CPQ: variants seen among roughly 807,000 people sequenced by gnomAD.
CPQ encodes the protein Ser-Met dipeptidase.
Under a neutral mutation model 45.7 loss-of-function variants are expected in CPQ, and 37 were observed. The observed-to-expected ratio is 0.81, with a 90% confidence interval of 0.62 to 1.07. The LOEUF is 1.07. Ranked by LOEUF, CPQ falls within the 50% of genes least tolerant of loss-of-function variation. CPQ has a pLI of 0.00. For missense variants in CPQ, 537 were observed against 572.9 expected (o/e 0.94, Z 0.64); for synonymous variants, 186 against 205.8 (o/e 0.90, Z 0.82).
chr8:96,812,800 A>C (rs1327695367), intron 2 of CPQ, among the ~76,000 whole-genome samples: 1 of 151,716 alleles, frequency 6.6e-6, no homozygotes, highest in Non-Finnish European at 1.5e-5. Context: ...GAAAATGCTG[A>C]GTCTCTCCGA....
At chr8:96,678,716 C>T (rs911525933) in intron 1 of CPQ, among the ~76,000 whole-genome samples, 1 of 141,950 alleles carries the variant, frequency 7.0e-6, no homozygotes, top group Non-Finnish European at 1.5e-5. Flanking sequence ...TAAGAAATGT[C>T]TCTTCAGACC....
At chr8:96,836,556 G>C (rs1811533749) in intron 3 of CPQ, among the ~76,000 whole-genome samples, 1 of 152,138 alleles carries the variant, frequency 6.6e-6, no homozygotes, top group South Asian at 2.1e-4. Context: ...CAGGAGGGAA[G>C]TCCTAAAATG....
intron 7 of CPQ, among the ~76,000 whole-genome samples, chr8:97,138,517 G>C (rs1463393129): frequency 6.6e-6 from 1 of 152,136 alleles, no homozygotes; most frequent in Admixed American, 6.5e-5. Flanking sequence ...GTGGTTACCA[G>C]AAACACATAG....
chr8:97,041,659 C>A (rs574615221), intron 6 of CPQ, among the ~76,000 whole-genome samples: 1 of 152,040 alleles, frequency 6.6e-6, no homozygotes, highest in African/African-American at 2.4e-5. Flanking sequence ...GTTACGTCCC[C>A]TCAATACCTA....
intron 3 of CPQ, among the ~76,000 whole-genome samples, chr8:96,837,547 CTATA>C (rs953100414): frequency 3.1e-4 from 47 of 152,118 alleles, no homozygotes; most frequent in African/African-American, 1.1e-3. Flanking sequence ...TATTCCTTCC[CTATA>C]TCTCTGGCTT....
At chr8:96,882,973 C>A (rs1027765639) in intron 4 of CPQ, among the ~76,000 whole-genome samples, 1 of 152,142 alleles carries the variant, frequency 6.6e-6, no homozygotes, top group South Asian at 2.1e-4. Flanking sequence ...GATCTCCTTT[C>A]TAGAGCTATA....
At chr8:97,054,857 C>A (rs1179572533) in intron 6 of CPQ, among the ~76,000 whole-genome samples, 2 of 152,156 alleles carry the variant, frequency 1.3e-5, no homozygotes, top group Non-Finnish European at 2.9e-5. Context: ...ACTAAAATCC[C>A]AGGCTTCACT....
intron 5 of CPQ, among the ~76,000 whole-genome samples, chr8:97,014,598 C>T (rs1342191454): frequency 6.7e-6 from 1 of 148,326 alleles, no homozygotes; most frequent in Non-Finnish European, 1.5e-5. Flanking sequence ...GCTGAGATTG[C>T]GCCACTGTAC....
intron 4 of CPQ, among the ~76,000 whole-genome samples, chr8:96,921,493 T>A (rs1053610197): frequency 1.3e-5 from 2 of 152,190 alleles, no homozygotes; most frequent in African/African-American, 4.8e-5. Context: ...CTCCATGTGG[T>A]TAGACCACCT....
chr8:97,076,942 T>C (rs1810856057), intron 7 of CPQ, among the ~76,000 whole-genome samples: 1 of 152,174 alleles, frequency 6.6e-6, no homozygotes, highest in Non-Finnish European at 1.5e-5. Context: ...GTCTTTATGA[T>C]AACATAGTCA....
intron 5 of CPQ, among the ~76,000 whole-genome samples, chr8:97,025,420 T>C (rs776705354): frequency 5.3e-5 from 8 of 152,212 alleles, no homozygotes; most frequent in Non-Finnish European, 1.0e-4. Context: ...ATACTGTAGA[T>C]TCCAGGAGGT....
intron 6 of CPQ, among the ~76,000 whole-genome samples, chr8:97,044,754 G>A (rs560408491): frequency 4.7e-4 from 71 of 152,330 alleles, no homozygotes; most frequent in African/African-American, 1.6e-3. Flanking sequence ...GTCCACTCCC[G>A]ACCCTGTTTG....
At chr8:96,704,163 G>C (rs1037812230) in intron 1 of CPQ, among the ~76,000 whole-genome samples, 1 of 152,026 alleles carries the variant, frequency 6.6e-6, no homozygotes, top group African/African-American at 2.4e-5. Context: ...ACCCATTTGA[G>C]GTAATACTCT....
intron 5 of CPQ, among the ~76,000 whole-genome samples, chr8:96,977,821 G>A (rs1294748176): frequency 6.6e-6 from 1 of 152,198 alleles, no homozygotes; most frequent in Non-Finnish European, 1.5e-5. Context: ...GGGGACTCAA[G>A]GGAAAGGATG....
intron 2 of CPQ, among the ~76,000 whole-genome samples, chr8:96,789,068 G>A (rs1810812927): frequency 6.6e-6 from 1 of 151,690 alleles, no homozygotes; most frequent in Non-Finnish European, 1.5e-5. Flanking sequence ...TTTAAGTATG[G>A]TTTCTTTTAG....
chr8:96,812,027 A>G (rs1412482437), intron 2 of CPQ, among the ~76,000 whole-genome samples: 1 of 152,140 alleles, frequency 6.6e-6, no homozygotes, highest in Non-Finnish European at 1.5e-5. Context: ...TTTGTGGATT[A>G]TTTTCACACA....
intron 1 of CPQ, among the ~76,000 whole-genome samples, chr8:96,767,298 C>A (rs1160281615): frequency 3.3e-5 from 5 of 152,096 alleles, no homozygotes; most frequent in African/African-American, 1.2e-4. Context: ...CCCATAACAG[C>A]GACTAGAGTG....
At position 96,879,780 on chromosome 8, in the gene CPQ, GT is replaced by G; in HGVS notation, c.642-17del. 6.2e-7 allele frequency: 1 copy of G among 1,606,358 alleles called. No individual in the cohort carries two copies. Among genetic ancestry groups the G allele is most frequent in the East Asian group, 2.2e-5 (1 of 44,812 alleles). ...CTATTTCCACTTTCAAGGTAACCTGGTGGCTTCTTCTCTCAAGTCCTCACAC... is the reference window on the plus strand; with the variant it reads ...CTATTTCCACTTTCAAGGTAACCTGGGGCTTCTTCTCTCAAGTCCTCACAC... On this transcript the variant is annotated splice_polypyrimidine_tract_variant and intron_variant, in intron 3 of 7. Coordinates refer to ENST00000220763, the MANE Select transcript of CPQ (RefSeq NM_016134.4).
chr8:96,789,714 A>G (rs973415433), intron 2 of CPQ, among the ~76,000 whole-genome samples: 5 of 152,192 alleles, frequency 3.3e-5, no homozygotes, highest in African/African-American at 1.2e-4. Flanking sequence ...CAGAATGCAA[A>G]TAATTTTATT....
Sources: gnomAD v4.1 joint callset for allele counts (sites outside exome capture counted in the v4.1 genomes callset) on GRCh38, gnomAD v4.1.1 for gene constraint, MANE v1.5 for transcripts, NCBI Gene and HGNC (gene_info 2026-07-23, HGNC 2026-07-21) for gene names.